ZNF621: variants seen among roughly 807,000 people sequenced by gnomAD.
ZNF621 encodes the protein zinc finger protein 621.
A neutral mutation model predicts 12.7 loss-of-function variants in ZNF621; 6 were observed. The ratio of observed to expected loss-of-function variants is 0.47; its 90% CI spans 0.26 to 0.93. The LOEUF is 0.93. Among genes scored for constraint, ZNF621 ranks in the 40% least tolerant of loss-of-function variants. ZNF621 has a pLI of 0.15. For synonymous variants in ZNF621, 156 were observed against 190.3 expected, an observed-to-expected ratio of 0.82 and a Z score of 1.48; for missense variants, 474 against 524.0, an observed-to-expected ratio of 0.90 and a Z score of 0.93.
Position 40,530,204 on chromosome 3 carries a change from T to C in ZNF621, c.152-5T>C. ...TCAATTTGTCTTTCTCTTTTCTTCA[T>C]GAAGTAGCGTTTCCATTCCCCAAAC... On this transcript the variant is annotated splice_polypyrimidine_tract_variant and splice_region_variant and intron_variant, in intron 3 of 4. Coordinates refer to ENST00000339296, the MANE Select transcript of ZNF621 (RefSeq NM_198484.5). 6.2e-7 allele frequency: 1 copy of C among 1,612,660 alleles called. No homozygotes were observed. The highest frequency in any genetic ancestry group is 8.5e-7 in the Non-Finnish European group (1 of 1,178,898).
chr3:40,532,883 G>C lies in ZNF621; in HGVS notation c.1113G>C (p.Gln371His). 6.2e-7 allele frequency: 1 copy of C among 1,605,406 alleles called. No individual in the cohort carries two copies. The highest frequency in any genetic ancestry group is 8.5e-7 in the Non-Finnish European group (1 of 1,175,588). Residue 371 changes from glutamine to histidine, a missense_variant, in exon 5 of 5, where the codon CAG becomes CAC. Transcript: ENST00000339296. ...SSPAIPPVLL[Q>H]GSCSASAVAV... ...CAGCCATACCTCCTGTTCTTCTCCAGGGATCCTGTTCTGCTTCAGCCGTAG... is the reference window on the plus strand; with the variant it reads ...CAGCCATACCTCCTGTTCTTCTCCACGGATCCTGTTCTGCTTCAGCCGTAG...
chr3:40,530,233 C>T lies in ZNF621; in HGVS notation c.176C>T (p.Ala59Val). The change falls in exon 4 of 5, where the codon GCT becomes GTT. Residue 59 changes from alanine to valine, a missense_variant. Transcript: ENST00000339296. ...SLVAFPFPKPALISHLERGEA... is the reference protein window; with the variant it reads ...SLVAFPFPKPVLISHLERGEA... ...GTAGCGTTTCCATTCCCCAAACCTG[C>T]TCTGATCTCCCACCTGGAGAGAGGG... 6.2e-7 allele frequency: 1 copy of T among 1,613,848 alleles called. No individual in the cohort carries two copies. The highest frequency in any genetic ancestry group is 8.5e-7 in the Non-Finnish European group (1 of 1,179,890).
At chr3:40,526,665 T>C (rs146353176) in intron 2 of ZNF621, among the ~76,000 whole-genome samples, 51 of 152,234 alleles carry the variant, frequency 3.4e-4, no homozygotes, top group African/African-American at 1.2e-3. Flanking sequence ...ATGGAAGAAA[T>C]AGATACCTGT....
chr3:40,529,345 T>C lies in ZNF621; in HGVS notation c.51T>C (p.Ala17=), dbSNP rs1698662152. The change falls in exon 3 of 5, where the codon GCT becomes GCC. Residue 17 remains alanine, a synonymous_variant. Coordinates refer to ENST00000339296, the MANE Select transcript of ZNF621 (RefSeq NM_198484.5). The part of the protein sequence containing the change: ...PQESVTFEDV[A]VYFTQNQWAS... ...AGTCAGTGACCTTTGAGGATGTGGCTGTTTACTTCACCCAGAATCAATGGG... is the reference window on the plus strand; with the variant it reads ...AGTCAGTGACCTTTGAGGATGTGGCCGTTTACTTCACCCAGAATCAATGGG... 2 of 1,613,666 alleles carry C rather than the reference T, an allele frequency of 1.2e-6. No individual in the cohort carries two copies. Among genetic ancestry groups the C allele is most frequent in the African/African-American group, 2.7e-5 (2 of 74,914 alleles).
intron 2 of ZNF621, among the ~76,000 whole-genome samples, chr3:40,526,150 T>C (rs183283413): frequency 2.0e-5 from 3 of 152,270 alleles, no homozygotes; most frequent in African/African-American, 7.2e-5. Context: ...GTTCTAGAAA[T>C]GAAAGTCACC....
intron 4 of ZNF621, 105 bp downstream of exon 4, chr3:40,530,421 A>G: frequency 3.3e-6 from 3 of 898,010 alleles, no homozygotes; most frequent in Non-Finnish European, 5.2e-6. Context: ...AGTTATTTAT[A>G]AGTCGATACT....
Position 40,532,593 on chromosome 3 carries a change from A to G in ZNF621, c.823A>G (p.Arg275Gly). The change falls in exon 5 of 5, where the codon AGG (arginine) becomes GGG (glycine). Residue 275 changes from arginine (R) to glycine (G), a missense_variant. By Grantham distance (125) the Arg-to-Gly change is moderately radical (BLOSUM62 -2). Transcript: ENST00000339296. ...GGAATGTTGGAAAGCTTTCGGTTGT[A>G]GGTCACTTTTTATTGTCCATCAGAG... Reference protein sequence around the residue: ...CKECWKAFGCRSLFIVHQRIH... With the variant: ...CKECWKAFGCGSLFIVHQRIH... The G allele has an allele frequency of 1.1e-5, 18 of 1,614,174 alleles. No homozygotes were observed. Among genetic ancestry groups the G allele is most frequent in the Middle Eastern group, 1.6e-4 (1 of 6,062 alleles).
chr3:40,531,618 A>G (rs908510647), intron 4 of ZNF621, among the ~76,000 whole-genome samples: 4 of 152,164 alleles, frequency 2.6e-5, no homozygotes, highest in Non-Finnish European at 5.9e-5. Context: ...GCTGAAGTGC[A>G]GTGGCATGAT....
chr3:40,523,456 A>G (rs1698501802), upstream of ZNF621, among the ~76,000 whole-genome samples: 1 of 152,172 alleles, frequency 6.6e-6, no homozygotes, highest in Non-Finnish European at 1.5e-5. Context: ...AGAAGTTATC[A>G]GCGTGATTAA....
upstream of ZNF621, among the ~76,000 whole-genome samples, chr3:40,524,341 C>T (rs573084334): frequency 6.6e-6 from 1 of 152,266 alleles, no homozygotes; most frequent in Admixed American, 6.5e-5. Flanking sequence ...AGGGTGTCCT[C>T]CCAAAGTCAA....
At chr3:40,529,256 C>T (rs747315885) in intron 2 of ZNF621, 63 bp from the exon 3 acceptor site, 167 of 1,579,760 alleles carry the variant, frequency 1.1e-4, no homozygotes, top group Non-Finnish European at 1.3e-4. Context: ...CCCTGAAGCT[C>T]AAGCTGCTCC....
At position 40,532,639 on chromosome 3, in the gene ZNF621, C is replaced by T. The variant is rs1698759081; in HGVS notation, c.869C>T (p.Pro290Leu). The change falls in exon 5 of 5, where the codon CCT (proline) becomes CTT (leucine). Residue 290 changes from proline to leucine, a missense_variant. Coordinates refer to ENST00000339296, the MANE Select transcript of ZNF621 (RefSeq NM_198484.5). ...CAGAGAATTCATACTGGGGAGAAAC[C>T]TTATCAATGTAAGGAGTGTGGCAAA... is the stretch of plus-strand genomic sequence containing the variant. Reference protein sequence around the residue: ...VHQRIHTGEKPYQCKECGKAF... With the variant: ...VHQRIHTGEKLYQCKECGKAF... The T allele has an allele frequency of 6.2e-7, 1 of 1,614,058 alleles. No individual in the cohort carries two copies.
intron 2 of ZNF621, 134 bp downstream of exon 2, chr3:40,525,998 C>T: frequency 1.0e-6 from 1 of 964,208 alleles, no homozygotes; most frequent in Non-Finnish European, 1.6e-6. Flanking sequence ...TATCTATCTC[C>T]AGGGCTATGG....
In ZNF621 at chr3:40,533,184, A is replaced by G; in HGVS notation, c.*94A>G. 3 of 1,473,358 alleles carry G rather than the reference A, an allele frequency of 2.0e-6. No individual in the cohort carries two copies. Among genetic ancestry groups the G allele is most frequent in the Non-Finnish European group, 2.7e-6 (3 of 1,113,458 alleles). The allele number at this position is 1,473,358 out of a possible 1,614,324, so 91.3% of individuals were successfully genotyped here. A position where few individuals can be genotyped will look rare whatever the true frequency, so the allele number is the denominator to read the frequency against. ...GAGAAAGGGTCTTGCTCTGTCACCCAGGCTAGAGTGCGGTGGTGTGATCTT... is the reference window on the plus strand; with the variant it reads ...GAGAAAGGGTCTTGCTCTGTCACCCGGGCTAGAGTGCGGTGGTGTGATCTT... On this transcript the variant is annotated 3_prime_UTR_variant, in exon 5 of 5. Coordinates refer to ENST00000339296, the MANE Select transcript of ZNF621 (RefSeq NM_198484.5).
chr3:40,532,966 T>A lies in ZNF621; in HGVS notation c.1196T>A (p.Phe399Tyr), dbSNP rs1698772704. 3.9e-6 allele frequency: 6 copies of A among 1,552,698 alleles called. No homozygotes were observed. Among genetic ancestry groups the A allele is most frequent in the Non-Finnish European group, 5.2e-6 (6 of 1,147,478 alleles). The change falls in exon 5 of 5, where the codon TTC becomes TAC. Residue 399 changes from phenylalanine (F) to tyrosine (Y), a missense_variant. By Grantham distance (22) the Phe-to-Tyr change is conservative. Coordinates refer to ENST00000339296, the MANE Select transcript of ZNF621 (RefSeq NM_198484.5). Reference protein sequence around the residue: ...AVLIPTSGNFFMLLPTSGIPS... With the variant: ...AVLIPTSGNFYMLLPTSGIPS... ...CTCATTCCTACCTCTGGGAATTTTT[T>A]CATGCTGCTGCCTACATCTGGAATA...
intron 2 of ZNF621, 52 bp from the exon 3 acceptor site, chr3:40,529,267 C>G (rs752900708): frequency 6.1e-5 from 98 of 1,596,900 alleles, no homozygotes; most frequent in Non-Finnish European, 7.6e-5. Flanking sequence ...AAGCTGCTCC[C>G]TTCTTCCTTC....
At position 40,533,024 on chromosome 3, in the gene ZNF621, C is replaced by G; in HGVS notation, c.1254C>G (p.Phe418Leu). ...CATCTGCCCAAATAGTGCGTGTCTTCCAGGGTCTTACTCCCACTGTGAAAC... is the reference window on the plus strand; with the variant it reads ...CATCTGCCCAAATAGTGCGTGTCTTGCAGGGTCTTACTCCCACTGTGAAAC... ...PSSSAQIVRV[F>L]QGLTPTVKPS... The change falls in exon 5 of 5, where the codon TTC becomes TTG. Residue 418 changes from phenylalanine (F) to leucine (L), a missense_variant. Phe to Leu is a conservative substitution (Grantham distance 22, BLOSUM62 0). Coordinates refer to ENST00000339296, the MANE Select transcript of ZNF621 (RefSeq NM_198484.5). 1 of 1,551,764 alleles carries G rather than the reference C, an allele frequency of 6.4e-7. No individual in the cohort carries two copies. Among genetic ancestry groups the G allele is most frequent in the Non-Finnish European group, 8.7e-7 (1 of 1,147,008 alleles).
Position 40,537,515 on chromosome 3 carries a change from A to C in ZNF621, c.*4425A>C, listed in dbSNP as rs1559562392. 6.6e-6 allele frequency: 1 copy of C among 152,298 alleles called. No homozygotes were observed. The highest frequency in any genetic ancestry group is 1.5e-5 in the Non-Finnish European group (1 of 68,184). 9.4% of individuals were successfully genotyped at this position (152,298 alleles called of 1,614,324 possible). ...CTACTTGGGAGGCTGAAGTGAGAGG[A>C]TCCCTTTAGCCAGGGAGTTCGAGAC... On this transcript the variant is annotated 3_prime_UTR_variant, in exon 5 of 5. Transcript: ENST00000339296.
chr3:40,525,979 T>TC, intron 2 of ZNF621, 115 bp downstream of exon 2: 1 of 1,224,450 alleles, frequency 8.2e-7, no homozygotes, highest in South Asian at 1.3e-5. Context: ...AGCTGTGTTT[T>TC]CCCCTTTGTA....
Sources: allele counts gnomAD v4.1 joint callset (sites outside exome capture counted in the v4.1 genomes callset), GRCh38; gene constraint gnomAD v4.1.1; transcripts MANE v1.5; gene names NCBI Gene and HGNC (gene_info 2026-07-23, HGNC 2026-07-21).